OVGP1: variants seen among roughly 807,000 people sequenced by gnomAD.
The protein encoded by OVGP1 is oviduct-specific glycoprotein.
In OVGP1, 26 loss-of-function variants were observed where a neutral mutation model predicts 48.2. The ratio of observed to expected loss-of-function variants is 0.54; its 90% CI spans 0.40 to 0.75. The LOEUF is 0.75. Among genes scored for constraint, OVGP1 ranks in the 30% least tolerant of loss-of-function variants. The pLI is 0.00. For missense variants in OVGP1, 791 were observed against 820.6 expected (o/e 0.96, Z 0.44); for synonymous variants, 294 against 305.7 (o/e 0.96, Z 0.40).
chr1:111,418,298 A>G lies in OVGP1; in HGVS notation c.1020+1312T>C, dbSNP rs570672863. 6.6e-5 allele frequency among the ~76,000 whole-genome samples: 10 copies of G among 152,248 alleles called. No homozygotes were observed. The South Asian group carries it at 1.7e-3, about 25-fold the overall frequency. Reference sequence around the variant, plus strand: ...GGATCAATCCCCTCTCTGATGTCCTATGGGTCATAGACTTAACTCCATCCA... The same window carrying G: ...GGATCAATCCCCTCTCTGATGTCCTGTGGGTCATAGACTTAACTCCATCCA... On this transcript the variant is annotated intron_variant, in intron 9 of 10. Coordinates refer to ENST00000369732, the MANE Select transcript of OVGP1 (RefSeq NM_002557.4).
chr1:111,415,590 C>G (rs1571352142), intron 10 of OVGP1, among the ~76,000 whole-genome samples: 1 of 152,306 alleles, frequency 6.6e-6, no homozygotes, highest in East Asian at 1.9e-4. Flanking sequence ...GCTACATTTT[C>G]CATGAATGAC....
intron 2 of OVGP1, 77 bp downstream of exon 2, chr1:111,426,985 C>T: frequency 1.2e-6 from 2 of 1,611,360 alleles, no homozygotes; most frequent in Admixed American, 1.7e-5. Flanking sequence ...AGGTGGGCTG[C>T]AGGGGACACT....
chr1:111,426,538 G>A lies in OVGP1; in HGVS notation c.159C>T (p.His53=). The A allele has an allele frequency of 5.6e-6, 9 of 1,614,132 alleles. No individual in the cohort carries two copies. The highest frequency in any genetic ancestry group is 6.8e-6 in the Non-Finnish European group (8 of 1,180,018). ...PHDLDPFLCT[H]LIFAFASMNN... ...TCATTGAGGCAAAGGCAAATATCAG[G>A]TGGGTGCAGAGAAAGGGGTCCAGGT... The change falls in exon 3 of 11, where the codon CAC becomes CAT. Residue 53 remains histidine (H), a synonymous_variant. Coordinates refer to ENST00000369732, the MANE Select transcript of OVGP1 (RefSeq NM_002557.4).
intron 3 of OVGP1, among the ~76,000 whole-genome samples, 180 bp downstream of exon 3, chr1:111,426,257 A>G (rs966430379): frequency 2.0e-5 from 3 of 152,206 alleles, no homozygotes; most frequent in Admixed American, 1.3e-4. Flanking sequence ...AGGAGGCAGG[A>G]AAGAGCTCAA....
intron 8 of OVGP1, 33 bp downstream of exon 8, chr1:111,421,243 T>A: frequency 6.4e-7 from 1 of 1,558,910 alleles, no homozygotes; most frequent in South Asian, 1.2e-5. Flanking sequence ...GGGAGAGTCC[T>A]AACTGCTAGA....
In OVGP1 at chr1:111,421,386, G is replaced by C; in HGVS notation, c.793C>G (p.Arg265Gly). 6.2e-7 allele frequency: 1 copy of C among 1,614,088 alleles called. No homozygotes were observed. The highest frequency in any genetic ancestry group is 8.5e-7 in the Non-Finnish European group (1 of 1,180,002). The change falls in exon 8 of 11, where the codon CGT becomes GGT. Residue 265 changes from arginine to glycine, a missense_variant. Physicochemically the swap from Arg to Gly is moderately radical, Grantham distance 125. Transcript: ENST00000369732. ...KLIMGIPTYG[R>G]TFRLLKASKN... ...GAGGCTTTGAGGAGGCGAAAGGTAC[G>C]TCCATAGGTGGGGATCCCCATGATG...
intron 4 of OVGP1, among the ~76,000 whole-genome samples, chr1:111,425,138 T>C (rs1243215588): frequency 6.6e-6 from 1 of 152,204 alleles, no homozygotes; most frequent in Non-Finnish European, 1.5e-5. Flanking sequence ...GAGTGCCTCA[T>C]TTTGTCCCTA....
Position 111,414,352 on chromosome 1 carries a change from G to C in OVGP1, c.*112C>G, listed in dbSNP as rs899882967. On this transcript the variant is annotated 3_prime_UTR_variant, in exon 11 of 11. Coordinates refer to ENST00000369732, the MANE Select transcript of OVGP1 (RefSeq NM_002557.4). ...TTTACAGTTTATTTAATGGAAAAGAGATTGGCCTATTCTGGTTTTGATGCC... is the reference window on the plus strand; with the variant it reads ...TTTACAGTTTATTTAATGGAAAAGACATTGGCCTATTCTGGTTTTGATGCC... 2.1e-5 allele frequency: 18 copies of C among 841,046 alleles called. No homozygotes were observed. The highest frequency in any genetic ancestry group is 2.5e-5 in the East Asian group (1 of 40,796). 52.1% of individuals were successfully genotyped at this position (841,046 alleles called of 1,614,324 possible). A position where few individuals can be genotyped will look rare whatever the true frequency, so the allele number is the denominator to read the frequency against.
intron 6 of OVGP1, among the ~76,000 whole-genome samples, chr1:111,422,350 T>C (rs915846736): frequency 4.6e-5 from 7 of 152,190 alleles, no homozygotes; most frequent in African/African-American, 1.7e-4. Context: ...CCCATTTCTG[T>C]TTTGGTCTGC....
At chr1:111,421,174 G>A (rs1652258410) in intron 8 of OVGP1, 102 bp downstream of exon 8, 1 of 1,071,350 alleles carries the variant, frequency 9.3e-7, no homozygotes, top group Non-Finnish European at 1.3e-6. Flanking sequence ...TCTTTGCCCT[G>A]TCTACAGCTC....
intron 10 of OVGP1, 36 bp from the exon 11 acceptor site, chr1:111,415,380 C>A: frequency 1.3e-6 from 2 of 1,558,358 alleles, no homozygotes; most frequent in Non-Finnish European, 1.7e-6. Context: ...GAGATTCCTA[C>A]CACTTCATTC....
At chr1:111,422,661 A>C (rs1476173121) in intron 6 of OVGP1, among the ~76,000 whole-genome samples, 1 of 152,172 alleles carries the variant, frequency 6.6e-6, no homozygotes, top group Non-Finnish European at 1.5e-5. Flanking sequence ...ACCCAGCAAT[A>C]GGCTGTGCAG....
intron 2 of OVGP1, 72 bp downstream of exon 2, chr1:111,426,990 G>T: frequency 6.2e-7 from 1 of 1,612,384 alleles, no homozygotes; most frequent in Non-Finnish European, 8.5e-7. Context: ...GGCTGCAGGG[G>T]ACACTCAATG....
At chr1:111,418,523 C>T (rs1197171714) in intron 9 of OVGP1, among the ~76,000 whole-genome samples, 1 of 152,210 alleles carries the variant, frequency 6.6e-6, no homozygotes, top group Non-Finnish European at 1.5e-5. Flanking sequence ...CCCACACAAA[C>T]TTCCCCCAAA....
At position 111,414,895 on chromosome 1, in the gene OVGP1, TCA is replaced by T. The variant is rs1557781128; in HGVS notation, c.1604_1605del (p.Val535GlufsTer20). ...TPVGHQSVTP[V>X]SHQSVSPGGT... ...CCTCCAGGGCTCACAGACTGATGACTCACAGGGGTCACAGACTGATGACCCAC... is the reference window on the plus strand; with the variant it reads ...CCTCCAGGGCTCACAGACTGATGACTCAGGGGTCACAGACTGATGACCCAC... On this transcript the variant is annotated frameshift_variant, in exon 11 of 11. Coordinates refer to ENST00000369732, the MANE Select transcript of OVGP1 (RefSeq NM_002557.4). LOFTEE classifies it low-confidence loss of function (END_TRUNC). 1.3e-6 allele frequency: 1 copy of T among 745,050 alleles called. No homozygotes were observed. Among genetic ancestry groups the T allele is most frequent in the Non-Finnish European group, 1.9e-6 (1 of 528,876 alleles). 46.2% of individuals were successfully genotyped at this position (745,050 alleles called of 1,614,324 possible). A position where few individuals can be genotyped will look rare whatever the true frequency, so the allele number is the denominator to read the frequency against.
At position 111,414,991 on chromosome 1, in the gene OVGP1, T is replaced by TG; in HGVS notation, c.1509dup (p.Thr504HisfsTer52). 1 of 1,595,962 alleles carries TG rather than the reference T, an allele frequency of 6.3e-7. No individual in the cohort carries two copies. The highest frequency in any genetic ancestry group is 8.6e-7 in the Non-Finnish European group (1 of 1,169,172). ...ACAGAGGTCAGGGTCTTCTGTCCAG[T>TG]GGTCACAGATTGATGACCCACAGGG... On this transcript the variant is annotated frameshift_variant, in exon 11 of 11. Coordinates refer to ENST00000369732, the MANE Select transcript of OVGP1 (RefSeq NM_002557.4). LOFTEE classifies it low-confidence loss of function (END_TRUNC).
At chr1:111,425,965 T>C (rs74109545) in intron 3 of OVGP1, among the ~76,000 whole-genome samples, 4,600 of 152,216 alleles carry the variant, frequency 0.03, 221 homozygotes, top group African/African-American at 0.1. Context: ...GAGGAAAATG[T>C]AAGCAAACAC....
chr1:111,419,350 T>C (rs1312060443), intron 9 of OVGP1, among the ~76,000 whole-genome samples: 1 of 152,166 alleles, frequency 6.6e-6, no homozygotes, highest in African/African-American at 2.4e-5. Flanking sequence ...ACCAAAAAGA[T>C]CATCGAAAAG....
At chr1:111,419,928 T>C (rs974452030) in intron 8 of OVGP1, among the ~76,000 whole-genome samples, 5 of 152,182 alleles carry the variant, frequency 3.3e-5, no homozygotes, top group Non-Finnish European at 7.3e-5. Context: ...TACCCTTTCC[T>C]CTCTCTACTG....
Sources: allele counts gnomAD v4.1 joint callset (sites outside exome capture counted in the v4.1 genomes callset), GRCh38; gene constraint gnomAD v4.1.1; transcripts MANE v1.5; gene names NCBI Gene and HGNC (gene_info 2026-07-23, HGNC 2026-07-21).